The following CDH18 variants were observed in gnomAD, a reference collection of about 807,000 sequenced individuals.
CDH18 encodes the protein cadherin 18.
Under a neutral mutation model 67.9 loss-of-function variants are expected in CDH18, and 31 were observed. That is an observed-to-expected ratio of 0.46 (90% confidence interval 0.34 to 0.62). The LOEUF is 0.62. Among genes scored for constraint, CDH18 ranks in the 20% least tolerant of loss-of-function variants. The pLI is 0.01. For synonymous variants in CDH18, 362 were observed against 347.2 expected (o/e 1.04, Z -0.48); for missense variants, 890 against 975.5 (o/e 0.91, Z 1.17).
chr5:20,374,797 A>G (rs1743279214), intron 1 of CDH18, among the ~76,000 whole-genome samples: 1 of 152,222 alleles, frequency 6.6e-6, no homozygotes, highest in Non-Finnish European at 1.5e-5. Context: ...ATATAAAAAT[A>G]TATCCAAAGC....
chr5:20,058,089 G>A (rs909110710), intron 2 of CDH18, among the ~76,000 whole-genome samples: 1 of 152,074 alleles, frequency 6.6e-6, no homozygotes, highest in African/African-American at 2.4e-5. Context: ...TGACCTAGGC[G>A]CTAATTTCTC....
At chr5:19,484,906 C>A (rs1271796857) in intron 11 of CDH18, among the ~76,000 whole-genome samples, 1 of 152,170 alleles carries the variant, frequency 6.6e-6, no homozygotes, top group Non-Finnish European at 1.5e-5. Flanking sequence ...TTATTTTGCA[C>A]TAAAAAGTAA....
intron 2 of CDH18, among the ~76,000 whole-genome samples, chr5:20,164,448 C>T (rs1215718013): frequency 2.6e-5 from 4 of 152,028 alleles, no homozygotes; most frequent in South Asian, 2.1e-4. Context: ...CCACCACACC[C>T]GGCTAATGTT....
At chr5:19,764,459 G>A (rs1418210403) in intron 3 of CDH18, among the ~76,000 whole-genome samples, 1 of 151,794 alleles carries the variant, frequency 6.6e-6, no homozygotes, top group African/African-American at 2.4e-5. Context: ...CTCCATATAT[G>A]TGGTATTCAT....
intron 2 of CDH18, among the ~76,000 whole-genome samples, chr5:20,174,661 A>G (rs1462775699): frequency 6.6e-6 from 1 of 152,208 alleles, no homozygotes; most frequent in African/African-American, 2.4e-5. Flanking sequence ...TAACCTTGAA[A>G]TATGTCAACA....
intron 1 of CDH18, among the ~76,000 whole-genome samples, chr5:20,533,318 A>G (rs547851666): frequency 5.6e-4 from 86 of 152,214 alleles, no homozygotes; most frequent in African/African-American, 2.0e-3. Flanking sequence ...TCTATTGTTT[A>G]ATGTACTGTC....
chr5:19,820,427 T>G (rs115187152), intron 3 of CDH18, among the ~76,000 whole-genome samples: 1,691 of 152,098 alleles, frequency 0.011, 29 homozygotes, highest in African/African-American at 0.038. Flanking sequence ...GGGCCATAGG[T>G]GCCACAACAG....
Position 19,475,042 on chromosome 5 carries a change from G to A in CDH18, c.1883-1326C>T, listed in dbSNP as rs139017124. On this transcript the variant is annotated intron_variant, in intron 12 of 12. Coordinates refer to ENST00000382275, the MANE Select transcript of CDH18 (RefSeq NM_004934.5). Reference sequence around the variant, plus strand: ...CAGCTGATATTCTAGGCTTTATGATGGTGATAATGATGCCCATTAATATTT... The same window carrying A: ...CAGCTGATATTCTAGGCTTTATGATAGTGATAATGATGCCCATTAATATTT... Among the ~76,000 whole-genome samples, 859 of 152,038 alleles carry A rather than the reference G, an allele frequency of 5.6e-3. 12 individuals carry two copies. The highest frequency in any genetic ancestry group is 0.019 in the African/African-American group (787 of 41,498).
chr5:19,473,068 C>A lies in CDH18; in HGVS notation c.*158G>T. 10 of 662,142 alleles carry A rather than the reference C, an allele frequency of 1.5e-5. No individual in the cohort carries two copies. The highest frequency in any genetic ancestry group is 2.2e-5 in the South Asian group (1 of 44,800). The allele number at this position is 662,142 out of a possible 1,614,324, so 41.0% of individuals were successfully genotyped here. On this transcript the variant is annotated 3_prime_UTR_variant, in exon 13 of 13. Coordinates refer to ENST00000382275, the MANE Select transcript of CDH18 (RefSeq NM_004934.5). ...TTTTTACTTTCTTCCAATTAAATAA[C>A]CCAGTTTCGATCATGAAAAGGGCAC...
chr5:20,120,094 T>C (rs1184763956), intron 2 of CDH18, among the ~76,000 whole-genome samples: 3 of 152,118 alleles, frequency 2.0e-5, no homozygotes, highest in Admixed American at 1.3e-4. Flanking sequence ...CTACTTTGAA[T>C]GGGTTTCTAT....
At chr5:20,493,817 G>T (rs1753736376) in intron 1 of CDH18, among the ~76,000 whole-genome samples, 1 of 152,024 alleles carries the variant, frequency 6.6e-6, no homozygotes, top group Non-Finnish European at 1.5e-5. Context: ...CAAAGTGTGT[G>T]GACTCCTTGC....
rs1737699122 is a variant in CDH18 at position 19,472,100 on chromosome 5, CTA to C, written c.*1124_*1125del. ...TACACATTTTCCTGTTGATACCAAA[CTA>C]ATTATCAGTGAGATGGAAAAAATCT... On this transcript the variant is annotated 3_prime_UTR_variant, in exon 13 of 13. Transcript: ENST00000382275. Among the ~76,000 whole-genome samples, 1 of 152,070 alleles carries C rather than the reference CTA, an allele frequency of 6.6e-6. No individual in the cohort carries two copies. Among genetic ancestry groups the C allele is most frequent in the South Asian group, 2.1e-4 (1 of 4,822 alleles).
chr5:20,173,402 G>T (rs559517009), intron 2 of CDH18, among the ~76,000 whole-genome samples: 1 of 152,162 alleles, frequency 6.6e-6, no homozygotes, highest in Non-Finnish European at 1.5e-5. Flanking sequence ...AAGACCTCCT[G>T]AGAAGAGCTT....
At chr5:19,533,813 A>T (rs1749019141) in intron 9 of CDH18, among the ~76,000 whole-genome samples, 1 of 152,064 alleles carries the variant, frequency 6.6e-6, no homozygotes, top group Non-Finnish European at 1.5e-5. Context: ...GAATATGGAA[A>T]CCCCTTTCTG....
intron 1 of CDH18, among the ~76,000 whole-genome samples, chr5:20,336,752 A>AAAAAAAAAAAAC: frequency 7.3e-6 from 1 of 137,910 alleles, no homozygotes; most frequent in Non-Finnish European, 1.6e-5. Flanking sequence ...AAAAAAAAAA[A>AAAAAAAAAAAAC]AAAGAACTTT....
chr5:19,588,186 G>C (rs1744505449), intron 7 of CDH18, among the ~76,000 whole-genome samples: 1 of 152,118 alleles, frequency 6.6e-6, no homozygotes, highest in South Asian at 2.1e-4. Context: ...TAGCTTTTGG[G>C]CTCAGATGAG....
chr5:19,661,991 G>A (rs1385697854), intron 5 of CDH18, among the ~76,000 whole-genome samples: 1 of 151,878 alleles, frequency 6.6e-6, no homozygotes, highest in African/African-American at 2.4e-5. Context: ...AATTCATAAC[G>A]AGCATGTCTC....
chr5:19,901,000 G>A (rs1789886866), intron 2 of CDH18, among the ~76,000 whole-genome samples: 1 of 152,084 alleles, frequency 6.6e-6, no homozygotes, highest in Non-Finnish European at 1.5e-5. Flanking sequence ...GTGGCCTTGT[G>A]CCCTGCGAAA....
chr5:20,122,722 T>C (rs1466411927), intron 2 of CDH18, among the ~76,000 whole-genome samples: 1 of 151,132 alleles, frequency 6.6e-6, no homozygotes, highest in Non-Finnish European at 1.5e-5. Flanking sequence ...ATGAAGTATA[T>C]ACCAAGTACG....
Sources: gnomAD v4.1 joint callset for allele counts (sites outside exome capture counted in the v4.1 genomes callset) on GRCh38, gnomAD v4.1.1 for gene constraint, MANE v1.5 for transcripts, NCBI Gene and HGNC (gene_info 2026-07-23, HGNC 2026-07-21) for gene names.